MAPK10: variants seen among roughly 807,000 people sequenced by gnomAD.
MAPK10 encodes the protein JNK3 alpha protein kinase.
A neutral mutation model predicts 59.3 loss-of-function variants in MAPK10; 25 were observed. The observed-to-expected ratio is 0.42, with a 90% CI of 0.31 to 0.59. The LOEUF is 0.59. Among genes scored for constraint, MAPK10 ranks in the 20% least tolerant of loss-of-function variants. MAPK10 has a pLI of 0.15. For synonymous variants in MAPK10, 190 were observed against 200.5 expected (o/e 0.95, Z 0.44); for missense variants, 351 against 568.9 (o/e 0.62, Z 3.90).
chr4:86,140,604 A>T, intron 4 of MAPK10, among the ~76,000 whole-genome samples: 1 of 151,128 alleles, frequency 6.6e-6, no homozygotes, highest in African/African-American at 2.4e-5. Flanking sequence ...TAGTGGGTGC[A>T]GCACACCAGC....
At chr4:86,249,909 T>G (rs760928365) in intron 2 of MAPK10, among the ~76,000 whole-genome samples, 14 of 152,182 alleles carry the variant, frequency 9.2e-5, no homozygotes, top group Non-Finnish European at 1.6e-4. Context: ...CTATGGAGTC[T>G]GCATTTGACA....
chr4:86,030,585 A>G (rs968093735), intron 12 of MAPK10, among the ~76,000 whole-genome samples: 1 of 152,102 alleles, frequency 6.6e-6, no homozygotes. Flanking sequence ...CCCCAGCCTC[A>G]GCCTCCCAAA....
chr4:86,238,366 T>C (rs544766575), intron 2 of MAPK10, among the ~76,000 whole-genome samples: 38 of 152,324 alleles, frequency 2.5e-4, no homozygotes, highest in Middle Eastern at 6.8e-3. Flanking sequence ...AAAATAGTTT[T>C]TTTCTAATTC....
intron 1 of MAPK10, chr4:86,429,796 G>A (rs1438958813): frequency 1.3e-5 from 2 of 148,614 alleles, no homozygotes; most frequent in African/African-American, 2.5e-5. Context: ...GACAGAACTA[G>A]ATCCTGTCTC....
intron 1 of MAPK10, among the ~76,000 whole-genome samples, chr4:86,367,246 T>A (rs1738043116): frequency 6.6e-6 from 1 of 152,166 alleles, no homozygotes; most frequent in African/African-American, 2.4e-5. Context: ...TAGAACATGC[T>A]GACTGATACA....
chr4:86,280,340 A>G (rs2094749452), intron 2 of MAPK10, among the ~76,000 whole-genome samples: 1 of 152,196 alleles, frequency 6.6e-6, no homozygotes, highest in Non-Finnish European at 1.5e-5. Flanking sequence ...GCCAACAAAC[A>G]TAAGAAAAAA....
chr4:86,191,313 C>T (rs556015355), intron 3 of MAPK10, among the ~76,000 whole-genome samples: 2 of 152,000 alleles, frequency 1.3e-5, no homozygotes, highest in African/African-American at 4.8e-5. Context: ...TAATTTTCTG[C>T]CTCGTTGATC....
intron 13 of MAPK10, chr4:86,025,703 G>A: frequency 2.6e-6 from 1 of 386,616 alleles, no homozygotes; most frequent in South Asian, 1.4e-4. Context: ...GGTTGCAAAT[G>A]AGGAATATTA....
intron 1 of MAPK10, among the ~76,000 whole-genome samples, chr4:86,578,444 A>G (rs1052195085): frequency 3.2e-4 from 48 of 152,234 alleles, no homozygotes; most frequent in African/African-American, 1.1e-3. Context: ...AAACATGAAG[A>G]TAAAATCAGA....
intron 1 of MAPK10, among the ~76,000 whole-genome samples, chr4:86,512,702 C>T (rs1756371325): frequency 6.6e-6 from 1 of 152,174 alleles, no homozygotes; most frequent in Non-Finnish European, 1.5e-5. Flanking sequence ...TCCAATTCAA[C>T]TTTCTCCCAT....
intron 2 of MAPK10, among the ~76,000 whole-genome samples, chr4:86,340,743 A>G (rs1724421309): frequency 6.6e-6 from 1 of 152,120 alleles, no homozygotes; most frequent in South Asian, 2.1e-4. Flanking sequence ...AGAGGATAAC[A>G]ATTTTCAAAA....
intron 2 of MAPK10, among the ~76,000 whole-genome samples, chr4:86,338,326 T>C (rs115803299): frequency 6.6e-6 from 1 of 152,180 alleles, no homozygotes; most frequent in South Asian, 2.1e-4. Context: ...TCATATGAAC[T>C]CCCTACCCTT....
intron 1 of MAPK10, among the ~76,000 whole-genome samples, chr4:86,506,427 T>G (rs1182158008): frequency 1.3e-5 from 2 of 152,146 alleles, no homozygotes; most frequent in Non-Finnish European, 2.9e-5. Flanking sequence ...TAACTTCAAC[T>G]GTGGTTTCTT....
intron 4 of MAPK10, among the ~76,000 whole-genome samples, chr4:86,115,828 C>A (rs190421061): frequency 7.9e-5 from 12 of 152,254 alleles, no homozygotes; most frequent in Non-Finnish European, 1.6e-4. Context: ...TCACAGTGAG[C>A]CTGTGTTAAT....
intron 2 of MAPK10, among the ~76,000 whole-genome samples, chr4:86,293,610 G>A (rs1386961919): frequency 6.6e-6 from 1 of 152,144 alleles, no homozygotes; most frequent in Non-Finnish European, 1.5e-5. Flanking sequence ...AAGAAAAGAG[G>A]TTTGGTTGGC....
chr4:86,015,880 A>G lies in MAPK10; in HGVS notation c.*1348T>C, dbSNP rs1743128154. 1 of 152,032 alleles carries G rather than the reference A, an allele frequency of 6.6e-6. No homozygotes were observed. Among genetic ancestry groups the G allele is most frequent in the Non-Finnish European group, 1.5e-5 (1 of 67,968 alleles). 9.4% of individuals were successfully genotyped at this position (152,032 alleles called of 1,614,324 possible). A position where few individuals can be genotyped will look rare whatever the true frequency, so the allele number is the denominator to read the frequency against. On this transcript the variant is annotated 3_prime_UTR_variant, in exon 14 of 14. Coordinates refer to ENST00000641462, the MANE Select transcript of MAPK10 (RefSeq NM_138982.4). ...TCAGGGAAACTCCTGAGGAATAACA[A>G]TGTCTCTGGAGATGTTTTCAAATGC...
At chr4:86,298,506 A>G (rs1564112675) in intron 2 of MAPK10, among the ~76,000 whole-genome samples, 1 of 152,174 alleles carries the variant, frequency 6.6e-6, no homozygotes. Context: ...GTTCCTGATG[A>G]TGCCTTCACT....
At chr4:86,390,482 C>T (rs1742052869) in intron 1 of MAPK10, among the ~76,000 whole-genome samples, 1 of 152,210 alleles carries the variant, frequency 6.6e-6, no homozygotes, top group Non-Finnish European at 1.5e-5. Flanking sequence ...GCTACCTCTA[C>T]TTTGAGCTAG....
chr4:86,501,680 G>GCACACACACACA (rs144986675), intron 1 of MAPK10, among the ~76,000 whole-genome samples: 6 of 146,930 alleles, frequency 4.1e-5, no homozygotes, highest in African/African-American at 1.5e-4. Context: ...GTGTGTGCAT[G>GCACACACACACA]CACACACACA....
Sources: allele counts gnomAD v4.1 joint callset (sites outside exome capture counted in the v4.1 genomes callset), GRCh38; gene constraint gnomAD v4.1.1; transcripts MANE v1.5; gene names NCBI Gene and HGNC (gene_info 2026-07-23, HGNC 2026-07-21).